Variants in METTL15 observed in about 807,000 individuals in gnomAD.
METTL15 encodes 12S rRNA N(4)-cytidine methyltransferase METTL15.
Under a neutral mutation model 38.3 loss-of-function variants are expected in METTL15, and 34 were observed. The ratio of observed to expected loss-of-function variants is 0.89; its 90% CI spans 0.68 to 1.18. METTL15 has a LOEUF of 1.18. Among genes scored for constraint, METTL15 ranks in the 50% most tolerant of loss-of-function variants. The probability of loss-of-function intolerance (pLI) is 0.00; values close to 1 mark genes in which losing one functional copy is unlikely to be tolerated. For synonymous variants in METTL15, 162 were observed against 170.9 expected, an observed-to-expected ratio of 0.95 and a Z score of 0.41; for missense variants, 438 against 498.4, an observed-to-expected ratio of 0.88 and a Z score of 1.15.
intron 4 of METTL15, among the ~76,000 whole-genome samples, chr11:28,236,867 G>C (rs751455425): frequency 1.3e-5 from 2 of 152,036 alleles, no homozygotes; most frequent in African/African-American, 2.4e-5. Flanking sequence ...ATGAAGCTTC[G>C]TTTGGCTGGA....
chr11:28,474,284 C>T (rs947170627), intron 6 of METTL15, among the ~76,000 whole-genome samples: 4 of 151,560 alleles, frequency 2.6e-5, no homozygotes, highest in African/African-American at 9.7e-5. Flanking sequence ...GCTGGCCTCC[C>T]CCCTTGTGAT....
chr11:28,194,192 C>CTCCTCT (rs1554995677), intron 3 of METTL15, among the ~76,000 whole-genome samples: 1 of 125,060 alleles, frequency 8.0e-6, no homozygotes, highest in East Asian at 2.3e-4. Flanking sequence ...CTCTCTCTCT[C>CTCCTCT]CTCTCTCTCT....
intron 6 of METTL15, among the ~76,000 whole-genome samples, chr11:28,481,374 C>G (rs1467674162): frequency 6.6e-6 from 1 of 152,170 alleles, no homozygotes; most frequent in East Asian, 1.9e-4. Flanking sequence ...AACAAATACA[C>G]CTTCTTGTCC....
intron 4 of METTL15, among the ~76,000 whole-genome samples, chr11:28,234,117 C>T (rs1416615699): frequency 6.6e-6 from 1 of 152,062 alleles, no homozygotes; most frequent in African/African-American, 2.4e-5. Context: ...ATGCATGTCC[C>T]TACAAAGGAC....
chr11:28,183,842 T>G (rs1851390012), intron 3 of METTL15, among the ~76,000 whole-genome samples: 1 of 151,904 alleles, frequency 6.6e-6, no homozygotes, highest in South Asian at 2.1e-4. Flanking sequence ...GGTACCAGCT[T>G]CTCTTTGTAC....
At chr11:28,155,528 A>G (rs1850233533) in intron 3 of METTL15, among the ~76,000 whole-genome samples, 1 of 152,112 alleles carries the variant, frequency 6.6e-6, no homozygotes, top group Non-Finnish European at 1.5e-5. Flanking sequence ...AGGTTTCTGG[A>G]GTGCTCTGTC....
intron 6 of METTL15, chr11:28,328,107 C>T (rs745673124): frequency 6.2e-7 from 1 of 1,610,726 alleles, no homozygotes; most frequent in Non-Finnish European, 8.5e-7. Flanking sequence ...TACTCTGAAA[C>T]ATATTTCCCA....
chr11:28,366,146 G>A (rs551277112), intron 5 of METTL15, among the ~76,000 whole-genome samples: 8 of 152,094 alleles, frequency 5.3e-5, no homozygotes, highest in African/African-American at 1.7e-4. Flanking sequence ...CTTTGCACTG[G>A]TCATAGATCA....
At chr11:28,406,122 G>C (rs1432198245) in intron 5 of METTL15, among the ~76,000 whole-genome samples, 1 of 151,848 alleles carries the variant, frequency 6.6e-6, no homozygotes, top group East Asian at 1.9e-4. Flanking sequence ...TTTTAAAATA[G>C]TTTTTTTTCT....
intron 4 of METTL15, among the ~76,000 whole-genome samples, chr11:28,278,504 G>T (rs1390317346): frequency 6.6e-6 from 1 of 152,052 alleles, no homozygotes; most frequent in Non-Finnish European, 1.5e-5. Context: ...ATTTTTATTT[G>T]ATATTTCTTT....
At chr11:28,271,530 T>G (rs1855639467) in intron 4 of METTL15, among the ~76,000 whole-genome samples, 1 of 152,150 alleles carries the variant, frequency 6.6e-6, no homozygotes, top group African/African-American at 2.4e-5. Context: ...TCCACACTGG[T>G]GACAAAAATG....
intron 5 of METTL15, among the ~76,000 whole-genome samples, chr11:28,396,860 C>A (rs1024444578): frequency 1.3e-5 from 2 of 152,132 alleles, no homozygotes; most frequent in African/African-American, 2.4e-5. Context: ...GCTACAGTAA[C>A]CAAAACAGCA....
intron 3 of METTL15, among the ~76,000 whole-genome samples, chr11:28,114,828 T>G (rs1851872579): frequency 6.6e-6 from 1 of 152,220 alleles, no homozygotes; most frequent in Non-Finnish European, 1.5e-5. Flanking sequence ...CCTCTAGGCT[T>G]AACTTTTTGA....
intron 3 of METTL15, chr11:28,145,553 G>A (rs1191771588): frequency 6.6e-6 from 1 of 151,948 alleles, no homozygotes; most frequent in Non-Finnish European, 1.5e-5. Flanking sequence ...ACCTCGTCTT[G>A]TGCATTCTAT....
chr11:28,459,732 C>G (rs1186785506), intron 6 of METTL15, among the ~76,000 whole-genome samples: 2 of 152,152 alleles, frequency 1.3e-5, no homozygotes, highest in African/African-American at 4.8e-5. Flanking sequence ...CCTAGAATAG[C>G]TTTTTGAGTG....
intron 6 of METTL15, among the ~76,000 whole-genome samples, chr11:28,456,172 A>ATT (rs34142480): frequency 2.0e-5 from 3 of 148,908 alleles, no homozygotes; most frequent in Non-Finnish European, 4.5e-5. Flanking sequence ...TGCCTGGCTA[A>ATT]TTTTTAAAAA....
chr11:28,377,508 A>G (rs1184776465), intron 5 of METTL15, among the ~76,000 whole-genome samples: 4 of 151,984 alleles, frequency 2.6e-5, no homozygotes, highest in Non-Finnish European at 5.9e-5. Flanking sequence ...TTTCAGCTCC[A>G]TCAGCTCCTT....
chr11:28,402,296 A>G (rs933750709), intron 5 of METTL15, among the ~76,000 whole-genome samples: 2 of 151,968 alleles, frequency 1.3e-5, no homozygotes, highest in Non-Finnish European at 2.9e-5. Flanking sequence ...GATTGCTGAA[A>G]CAGTCTCCTA....
chr11:28,520,180 T>A (rs1238764860), intron 6 of METTL15, among the ~76,000 whole-genome samples: 1 of 151,710 alleles, frequency 6.6e-6, no homozygotes. Context: ...TCTCCACAAA[T>A]AGGAAAAGTG....
Sources: gnomAD v4.1 joint callset for allele counts (sites outside exome capture counted in the v4.1 genomes callset) on GRCh38, gnomAD v4.1.1 for gene constraint, MANE v1.5 for transcripts, NCBI Gene and HGNC (gene_info 2026-07-23, HGNC 2026-07-21) for gene names.